NALF2: variants seen among roughly 807,000 people sequenced by gnomAD.
NALF2 encodes NALCN channel auxiliary factor 2.
Under a neutral mutation model 24.8 loss-of-function variants are expected in NALF2, and 1 was observed. The observed-to-expected ratio is 0.04, with a 90% confidence interval of 0.01 to 0.19. The LOEUF is 0.19. NALF2 is among the 10% of genes least tolerant of loss of function. NALF2 has a pLI of 1.00. For missense variants in NALF2, 458 were observed against 409.6 expected, an observed-to-expected ratio of 1.12 and a Z score of -1.02; for synonymous variants, 254 against 189.8, an observed-to-expected ratio of 1.34 and a Z score of -2.78.
intron 1 of NALF2, among the ~76,000 whole-genome samples, chrX:69,517,094 A>G (rs1029667952): frequency 1.8e-5 from 2 of 111,595 alleles, no homozygotes; most frequent in Non-Finnish European, 3.8e-5. Context: ...CAATATGAGT[A>G]TAAGAGTTTA....
intron 1 of NALF2, among the ~76,000 whole-genome samples, chrX:69,522,977 C>T (rs1030744524): frequency 8.9e-6 from 1 of 112,382 alleles, no homozygotes; most frequent in African/African-American, 3.2e-5. Flanking sequence ...AATCTGGGAG[C>T]GGAGTGTACC....
chrX:69,526,863 A>G (rs1015694351), intron 1 of NALF2, among the ~76,000 whole-genome samples: 10 of 112,254 alleles, frequency 8.9e-5, no homozygotes, highest in African/African-American at 2.9e-4. Context: ...ATGAAGTTGG[A>G]GAGAAAGACA....
Position 69,529,565 on chromosome X carries a change from T to C in NALF2, c.1034-6T>C. The C allele has an allele frequency of 8.3e-7, 1 of 1,202,493 alleles. No homozygotes were observed. Among genetic ancestry groups the C allele is most frequent in the Non-Finnish European group, 1.1e-6 (1 of 890,490 alleles). On this transcript the variant is annotated splice_region_variant and splice_polypyrimidine_tract_variant and intron_variant, in intron 2 of 2. Coordinates refer to ENST00000252338, the MANE Select transcript of NALF2 (RefSeq NM_015686.3). ...ACCCCACCACACCTTCCTTATCCAT[T>C]GGCAGGGTTGCTGGATACTTCACCA...
chrX:69,507,308 G>A (rs950900633), intron 1 of NALF2, among the ~76,000 whole-genome samples: 1 of 111,322 alleles, frequency 9.0e-6, no homozygotes, highest in Non-Finnish European at 1.9e-5. Context: ...TGCTTTTAGC[G>A]GGTTCCCTAG....
intron 1 of NALF2, among the ~76,000 whole-genome samples, chrX:69,515,236 A>G (rs6625471): frequency 0.18 from 20,279 of 111,144 alleles, 1,769 homozygotes; most frequent in Non-Finnish European, 0.27. Flanking sequence ...TCCCAATCCC[A>G]CTGCCTGAGG....
chrX:69,507,815 C>T (rs774072378), intron 1 of NALF2, among the ~76,000 whole-genome samples: 2 of 111,372 alleles, frequency 1.8e-5, no homozygotes, highest in East Asian at 5.7e-4. Flanking sequence ...CCCTTCAACC[C>T]CATGGCCCTG....
At position 69,529,898 on chromosome X, in the gene NALF2, G is replaced by A. The variant is rs1055959978; in HGVS notation, c.1361G>A (p.Gly454Glu). The change falls in exon 3 of 3, where the codon GGG (glycine) becomes GAG (glutamate). Residue 454 changes from glycine (G) to glutamate (E), a missense_variant. Physicochemically the swap from Gly to Glu is moderately conservative, Grantham distance 98. Transcript: ENST00000252338. ...VVSFSSNQGG[G>E]GLGLETLPAL... ...TCCTTCTCCAGCAACCAGGGTGGTG[G>A]GGGATTGGGGCTGGAGACACTGCCT... The A allele has an allele frequency of 4.2e-5, 51 of 1,209,137 alleles. No individual in the cohort carries two copies. The highest frequency in any genetic ancestry group is 2.8e-4 in the Admixed American group (13 of 45,813).
Position 69,505,581 on chromosome X carries a change from C to A in NALF2, c.299C>A (p.Pro100Gln). ...PVPPRAVLPL[P>Q]PPPPGEPSAP... ...CCTCCTCGCGCGGTGCTGCCGCTGC[C>A]GCCGCCGCCGCCCGGCGAGCCCAGC... is the stretch of plus-strand genomic sequence containing the variant. The change falls in exon 1 of 3, where the codon CCG (proline) becomes CAG (glutamine). Residue 100 changes from proline (P) to glutamine (Q), a missense_variant. Coordinates refer to ENST00000252338, the MANE Select transcript of NALF2 (RefSeq NM_015686.3). 1.0e-6 allele frequency: 1 copy of A among 996,519 alleles called. No homozygotes were observed. The highest frequency in any genetic ancestry group is 4.3e-5 in the East Asian group (1 of 23,088). The allele number at this position is 996,519 out of a possible 1,213,427, so 82.1% of individuals were successfully genotyped here.
chrX:69,514,199 A>T (rs1483522796), intron 1 of NALF2, among the ~76,000 whole-genome samples: 2 of 24,727 alleles, frequency 8.1e-5, no homozygotes, highest in African/African-American at 1.4e-3. Context: ...CAAAAAATTA[A>T]AAAAAAAAAA....
chrX:69,505,994 G>A lies in NALF2; in HGVS notation c.712G>A (p.Gly238Arg), dbSNP rs200299714. The A allele has an allele frequency of 8.3e-7, 1 of 1,211,532 alleles. No homozygotes were observed. Among genetic ancestry groups the A allele is most frequent in the African/African-American group, 1.7e-5 (1 of 57,820 alleles). ...GGCCGTGGTGGCCAGCCCGGGCTCCGGGGCCTGGGAGGCGTGTAGCAACTG... is the reference window on the plus strand; with the variant it reads ...GGCCGTGGTGGCCAGCCCGGGCTCCAGGGCCTGGGAGGCGTGTAGCAACTG... The part of the protein sequence containing the change: ...LLAVVASPGS[G>R]AWEACSNCIE... The change falls in exon 1 of 3, where the codon GGG becomes AGG. Residue 238 changes from glycine (G) to arginine (R), a missense_variant. Transcript: ENST00000252338.
intron 1 of NALF2, among the ~76,000 whole-genome samples, chrX:69,516,806 G>A (rs748099118): frequency 3.7e-4 from 41 of 111,528 alleles, no homozygotes; most frequent in Non-Finnish European, 5.3e-4. Flanking sequence ...GTGTGTGTGC[G>A]TTTGTGTGTG....
rs1333380184 is a variant in NALF2 at position 69,530,096 on chromosome X, AC to A, written c.*142del. 3 of 461,394 alleles carry A rather than the reference AC, an allele frequency of 6.5e-6. No individual in the cohort carries two copies. Among genetic ancestry groups the A allele is most frequent in the Non-Finnish European group, 1.1e-5 (3 of 280,698 alleles). The allele number at this position is 461,394 out of a possible 1,213,427, so 38.0% of individuals were successfully genotyped here. A position where few individuals can be genotyped will look rare whatever the true frequency, so the allele number is the denominator to read the frequency against. The stretch of plus-strand genomic sequence containing the variant: ...ATGGGGGAATGACACATCCCCCCCA[AC>A]CTACCCCCACCCCAAAAGCAGCTCC... On this transcript the variant is annotated 3_prime_UTR_variant, in exon 3 of 3. Coordinates refer to ENST00000252338, the MANE Select transcript of NALF2 (RefSeq NM_015686.3).
chrX:69,527,324 G>A (rs1930822603), intron 1 of NALF2, among the ~76,000 whole-genome samples: 1 of 112,172 alleles, frequency 8.9e-6, no homozygotes, highest in South Asian at 3.8e-4. Context: ...TTTGCTCTTT[G>A]GGGGACTGGT....
intron 1 of NALF2, among the ~76,000 whole-genome samples, chrX:69,522,285 C>T (rs1569259826): frequency 1.8e-5 from 2 of 111,855 alleles, no homozygotes; most frequent in East Asian, 5.7e-4. Context: ...ACCCTGACTC[C>T]TCTGCTCACC....
At position 69,506,124 on chromosome X, in the gene NALF2, C is replaced by A. The variant is rs758695280; in HGVS notation, c.842C>A (p.Ser281Tyr). The change falls in exon 1 of 3, where the codon TCC (serine) becomes TAC (tyrosine). Residue 281 changes from serine (S) to tyrosine (Y), a missense_variant. Transcript: ENST00000252338. ...YLQAEEYSIR[S>Y]CTKGCKAVYK... ...CAGGCGGAAGAGTACTCAATCCGGT[C>A]CTGCACGAAAGGCTGTAAGGTAAGG... 3.3e-5 allele frequency: 40 copies of A among 1,205,048 alleles called. No individual in the cohort carries two copies. Among genetic ancestry groups the A allele is most frequent in the African/African-American group, 5.2e-5 (3 of 57,353 alleles).
Position 69,505,625 on chromosome X carries a change from G to A in NALF2, c.343G>A (p.Gly115Ser), listed in dbSNP as rs371501879. Residue 115 changes from glycine (G) to serine (S), a missense_variant, in exon 1 of 3, where the codon GGC becomes AGC. Transcript: ENST00000252338. The stretch of plus-strand genomic sequence containing the variant: ...GCCCAGCGCGCCCCCAGGCACCTGC[G>A]GCCCCAGATACAGCAACCTGACCAA... ...GEPSAPPGTC[G>S]PRYSNLTKAA... 2 of 1,148,459 alleles carry A rather than the reference G, an allele frequency of 1.7e-6. No individual in the cohort carries two copies. Among genetic ancestry groups the A allele is most frequent in the South Asian group, 2.0e-5 (1 of 49,271 alleles). 94.6% of individuals were successfully genotyped at this position (1,148,459 alleles called of 1,213,427 possible). A position where few individuals can be genotyped will look rare whatever the true frequency, so the allele number is the denominator to read the frequency against.
intron 1 of NALF2, among the ~76,000 whole-genome samples, chrX:69,507,060 G>T (rs1423862272): frequency 8.9e-6 from 1 of 111,909 alleles, no homozygotes; most frequent in South Asian, 3.8e-4. Context: ...TGCCCTGCTC[G>T]CCCAGCCTGG....
chrX:69,515,643 TTTGTC>T (rs780626798), intron 1 of NALF2, among the ~76,000 whole-genome samples: 17 of 112,749 alleles, frequency 1.5e-4, no homozygotes, highest in African/African-American at 5.5e-4. Flanking sequence ...TTATAGGCCA[TTTGTC>T]TTGCCTGCTT....
intron 1 of NALF2, among the ~76,000 whole-genome samples, chrX:69,518,766 CT>C (rs1487499327): frequency 8.9e-6 from 1 of 112,177 alleles, no homozygotes; most frequent in East Asian, 2.8e-4. Context: ...TACTCCACCC[CT>C]GAGCCTCACT....
Sources: allele counts gnomAD v4.1 joint callset (sites outside exome capture counted in the v4.1 genomes callset), GRCh38; gene constraint gnomAD v4.1.1; transcripts MANE v1.5; gene names NCBI Gene and HGNC (gene_info 2026-07-23, HGNC 2026-07-21).